Variants in TMEM74 observed in about 807,000 individuals in gnomAD.
TMEM74 encodes transmembrane protein 74.
In TMEM74, 13 loss-of-function variants were observed where a neutral mutation model predicts 18.1. The observed-to-expected ratio is 0.72, with a 90% CI of 0.47 to 1.14. TMEM74 has a LOEUF of 1.14. TMEM74 is among the 50% of genes most tolerant of loss of function. The pLI is 0.00. For missense variants in TMEM74, 372 were observed against 375.9 expected, an observed-to-expected ratio of 0.99 and a Z score of 0.09; for synonymous variants, 159 against 146.6, an observed-to-expected ratio of 1.08 and a Z score of -0.61.
intron 1 of TMEM74, among the ~76,000 whole-genome samples, chr8:108,708,601 C>T (rs1342209465): frequency 1.3e-5 from 2 of 151,900 alleles, no homozygotes; most frequent in African/African-American, 2.4e-5. Flanking sequence ...TATTGGTTTG[C>T]ATTTCTCTAA....
At position 108,784,599 on chromosome 8, in the gene TMEM74, G is replaced by A; in HGVS notation, c.500C>T (p.Ala167Val). Residue 167 changes from alanine (A) to valine (V), a missense_variant, in exon 2 of 2, where the codon GCC (alanine) becomes GTC (valine). By Grantham distance (64) the Ala-to-Val change is moderately conservative (BLOSUM62 0). Transcript: ENST00000297459. ...GTCTATAGACTTCCCTGAAGACGTG[G>A]CTTCTGAACTTGTATCATCCTCCTC... is the stretch of plus-strand genomic sequence containing the variant. Reference protein sequence around the residue: ...SEEEDDTSSEATSSGKSIDYG... With the variant: ...SEEEDDTSSEVTSSGKSIDYG... The A allele has an allele frequency of 3.7e-6, 6 of 1,614,128 alleles. No homozygotes were observed. The highest frequency in any genetic ancestry group is 4.2e-6 in the Non-Finnish European group (5 of 1,180,026).
intron 2 of TMEM74, among the ~76,000 whole-genome samples, chr8:108,633,595 T>G (rs1812576842): frequency 6.6e-6 from 1 of 152,072 alleles, no homozygotes; most frequent in Non-Finnish European, 1.5e-5. Context: ...CAACACCATA[T>G]AAGCAGTGAG....
intron 1 of TMEM74, among the ~76,000 whole-genome samples, chr8:108,730,925 C>T (rs1417289600): frequency 6.6e-6 from 1 of 152,140 alleles, no homozygotes; most frequent in East Asian, 1.9e-4. Context: ...CCACCGCGCC[C>T]TGCCACCATG....
intron 2 of TMEM74, among the ~76,000 whole-genome samples, chr8:108,609,019 C>A (rs1215473090): frequency 6.6e-6 from 1 of 152,168 alleles, no homozygotes; most frequent in Non-Finnish European, 1.5e-5. Context: ...TTCCCTCTTG[C>A]CTTGTAAAAC....
At chr8:108,772,625 G>A (rs1259741407) in intron 1 of TMEM74, among the ~76,000 whole-genome samples, 1 of 152,108 alleles carries the variant, frequency 6.6e-6, no homozygotes. Context: ...TGGAGGGAAG[G>A]GCAAACAGTT....
chr8:108,699,951 C>A lies in TMEM74; in HGVS notation n.120-44514G>T, dbSNP rs183659719. Among the ~76,000 whole-genome samples the A allele has an allele frequency of 2.6e-5, 4 of 152,266 alleles. No homozygotes were observed. In the East Asian group the frequency reaches 7.7e-4, roughly 29 times the overall value. On this transcript the variant is annotated intron_variant and non_coding_transcript_variant, in intron 1 of 3. Transcript: ENST00000518838. ...GAAAATAATAAGCATAACATAGAGA[C>A]TTTTTCTTATGGCTAAATTTATTCA...
chr8:108,725,214 C>T (rs150872662), intron 1 of TMEM74, among the ~76,000 whole-genome samples: 3 of 152,296 alleles, frequency 2.0e-5, no homozygotes, highest in African/African-American at 7.2e-5. Context: ...CAGATAGTTC[C>T]TCAAATCTTT....
At chr8:108,759,858 G>T (rs1271465498) in intron 1 of TMEM74, among the ~76,000 whole-genome samples, 3 of 151,810 alleles carry the variant, frequency 2.0e-5, no homozygotes, top group African/African-American at 7.2e-5. Flanking sequence ...TATATATTTT[G>T]ACCTGTAATA....
intron 1 of TMEM74, among the ~76,000 whole-genome samples, chr8:108,717,169 C>T (rs368612985): frequency 6.6e-6 from 1 of 151,680 alleles, no homozygotes; most frequent in Non-Finnish European, 1.5e-5. Flanking sequence ...AAATAAGTAT[C>T]CTAAATAATT....
At chr8:108,622,739 A>G (rs1812456190) in intron 2 of TMEM74, among the ~76,000 whole-genome samples, 2 of 152,124 alleles carry the variant, frequency 1.3e-5, no homozygotes, top group South Asian at 4.1e-4. Flanking sequence ...TTGAAATGAG[A>G]GGATGGGAAT....
intron 1 of TMEM74, among the ~76,000 whole-genome samples, chr8:108,675,082 C>T (rs904175): frequency 0.48 from 72,639 of 151,952 alleles, 17,955 homozygotes; most frequent in East Asian, 0.7. Context: ...CCCTTGCCTC[C>T]TGGATGAGAT....
At chr8:108,658,839 A>C (rs1812871727) in intron 1 of TMEM74, among the ~76,000 whole-genome samples, 1 of 152,226 alleles carries the variant, frequency 6.6e-6, no homozygotes, top group Non-Finnish European at 1.5e-5. Flanking sequence ...AACAGTCTTC[A>C]AGAGAATAAA....
rs535555647 is a variant in TMEM74 at position 108,614,852 on chromosome 8, AAAAC to A, written n.265-6030_265-6027del. On this transcript the variant is annotated intron_variant and non_coding_transcript_variant, in intron 2 of 3. Transcript: ENST00000518838. ...TAAAATGAATAAATGAATGAACAAA[AAAAC>A]AAACAAAATACAATAATCAAATAGG... is the stretch of plus-strand genomic sequence containing the variant. 6.5e-3 allele frequency among the ~76,000 whole-genome samples: 988 copies of A among 152,354 alleles called. 14 individuals are homozygous for A. Among genetic ancestry groups the A allele is most frequent in the African/African-American group, 0.023 (938 of 41,572 alleles).
rs1043074520 is a variant in TMEM74, at chr8:108,732,939, A to G, written n.119+54537T>C. ...ATGGCTAATATGCACTTTAAAAAGC[A>G]CTCAAGATCATCAATCCTCAGGAAA... On this transcript the variant is annotated intron_variant and non_coding_transcript_variant, in intron 1 of 3. Transcript: ENST00000518838. Among the ~76,000 whole-genome samples the G allele has an allele frequency of 2.0e-5, 3 of 152,114 alleles. No homozygotes were observed. The East Asian group carries it at 5.8e-4, about 29-fold the overall frequency.
At chr8:108,671,405 G>A (rs1813003572) in intron 1 of TMEM74, among the ~76,000 whole-genome samples, 1 of 152,194 alleles carries the variant, frequency 6.6e-6, no homozygotes, top group Non-Finnish European at 1.5e-5. Context: ...AAAAGCAACT[G>A]TCCTGTTTCT....
intron 1 of TMEM74, among the ~76,000 whole-genome samples, chr8:108,680,931 A>G (rs1259434909): frequency 6.6e-6 from 1 of 152,208 alleles, no homozygotes; most frequent in Non-Finnish European, 1.5e-5. Flanking sequence ...TTGAAAGAGA[A>G]TAAAATACCT....
chr8:108,699,940 T>C (rs1813318843), intron 1 of TMEM74, among the ~76,000 whole-genome samples: 1 of 152,210 alleles, frequency 6.6e-6, no homozygotes, highest in African/African-American at 2.4e-5. Flanking sequence ...ATAATAAGCA[T>C]AACATAGAGA....
intron 2 of TMEM74, among the ~76,000 whole-genome samples, chr8:108,644,621 C>A (rs972592233): frequency 6.6e-6 from 1 of 151,502 alleles, no homozygotes; most frequent in South Asian, 2.1e-4. Context: ...GGTCTAATAT[C>A]TAGACTTTAT....
At chr8:108,633,805 C>T (rs543713298) in intron 2 of TMEM74, among the ~76,000 whole-genome samples, 2 of 152,014 alleles carry the variant, frequency 1.3e-5, no homozygotes, top group South Asian at 4.2e-4. Context: ...TGGTGACCAC[C>T]CTTGTGTAAA....
Sources: allele counts gnomAD v4.1 joint callset (sites outside exome capture counted in the v4.1 genomes callset), GRCh38; gene constraint gnomAD v4.1.1; transcripts MANE v1.5; gene names NCBI Gene and HGNC (gene_info 2026-07-23, HGNC 2026-07-21).